The following MTUS2 variants were observed in gnomAD, a reference collection of about 807,000 sequenced individuals.
MTUS2 encodes the protein microtubule-associated tumor suppressor candidate 2.
A neutral mutation model predicts 114.1 loss-of-function variants in MTUS2; 40 were observed. The ratio of observed to expected loss-of-function variants is 0.35; its 90% confidence interval spans 0.27 to 0.46. The LOEUF (loss-of-function observed/expected upper bound fraction) is 0.46. Among genes scored for constraint, MTUS2 ranks in the 20% least tolerant of loss-of-function variants. The probability of loss-of-function intolerance (pLI) is 1.00; values close to 1 mark genes in which losing one functional copy is unlikely to be tolerated. For synonymous variants in MTUS2, 688 were observed against 672.0 expected (o/e 1.02, Z -0.37); for missense variants, 1,679 against 1,705.4 (o/e 0.98, Z 0.27).
chr13:28,987,071 A>C (rs1262441149), intron 2 of MTUS2, among the ~76,000 whole-genome samples: 1 of 152,216 alleles, frequency 6.6e-6, no homozygotes, highest in African/African-American at 2.4e-5. Flanking sequence ...CTTAGGCTGA[A>C]TAATTGACCC....
chr13:29,088,578 C>T (rs976384340), intron 4 of MTUS2, among the ~76,000 whole-genome samples: 3 of 152,138 alleles, frequency 2.0e-5, no homozygotes, highest in Admixed American at 6.5e-5. Context: ...GTTGAAGTCT[C>T]CCACTATTAT....
At chr13:29,135,911 A>G (rs1338288544) in intron 5 of MTUS2, among the ~76,000 whole-genome samples, 1 of 152,228 alleles carries the variant, frequency 6.6e-6, no homozygotes, top group East Asian at 1.9e-4. Context: ...TTTGTAATGT[A>G]TTAGTCTCTT....
At chr13:28,964,425 A>C (rs2138225904) in intron 2 of MTUS2, among the ~76,000 whole-genome samples, 1 of 152,274 alleles carries the variant, frequency 6.6e-6, no homozygotes, top group Non-Finnish European at 1.5e-5. Context: ...CATTCCTTGC[A>C]CAGCTTAGAA....
Position 29,503,072 on chromosome 13 carries a change from A to C in MTUS2, c.3976A>C (p.Asn1326His), listed in dbSNP as rs750254544. The C allele has an allele frequency of 9.9e-6, 16 of 1,614,122 alleles. No homozygotes were observed. In the East Asian group the frequency reaches 1.3e-4, roughly 13 times the overall value. ...TQEKKRLSRT[N>H]EELLWKLQTG... is the part of the protein sequence containing the mutation. ...GGAGAAGAAGAGATTGAGCCGAACC[A>C]ATGAAGAGCTGCTTTGGAAGCTCCA... The change falls in exon 16 of 16, where the codon AAT becomes CAT. Residue 1326 changes from asparagine (N) to histidine (H), a missense_variant. By Grantham distance (68) the Asn-to-His change is moderately conservative. Transcript: ENST00000612955.
intron 2 of MTUS2, among the ~76,000 whole-genome samples, chr13:28,888,368 A>G (rs1878712917): frequency 6.6e-6 from 1 of 151,928 alleles, no homozygotes; most frequent in Non-Finnish European, 1.5e-5. Context: ...ATACAGAATG[A>G]GAATATATCA....
intron 4 of MTUS2, among the ~76,000 whole-genome samples, chr13:29,095,107 A>G (rs142572905): frequency 4.6e-5 from 7 of 152,196 alleles, no homozygotes; most frequent in South Asian, 2.1e-4. Flanking sequence ...AGAATATTCT[A>G]TGTGCACTTG....
chr13:29,392,204 A>G (rs1220874920), intron 8 of MTUS2, among the ~76,000 whole-genome samples: 1 of 150,646 alleles, frequency 6.6e-6, no homozygotes, highest in Non-Finnish European at 1.5e-5. Context: ...CTTTGTACCT[A>G]TTGAATAATA....
rs2139107021 is a variant in MTUS2, at chr13:29,168,308, A to C, written c.2644+67338A>C. Among the ~76,000 whole-genome samples, 3 of 152,298 alleles carry C rather than the reference A, an allele frequency of 2.0e-5. No homozygotes were observed. The South Asian group carries it at 6.2e-4, about 32-fold the overall frequency. ...TTCCGCTGAGCTCCACCTGCTTAGA[A>C]AAGCACCTTGTTCCATAGCCCCTAA... On this transcript the variant is annotated intron_variant, in intron 5 of 15. Coordinates refer to ENST00000612955, the MANE Select transcript of MTUS2 (RefSeq NM_001033602.4).
chr13:29,164,637 A>G (rs1893238874), intron 5 of MTUS2, among the ~76,000 whole-genome samples: 1 of 152,244 alleles, frequency 6.6e-6, no homozygotes, highest in South Asian at 2.1e-4. Context: ...CTTTTGCACT[A>G]GAGTGGGAGC....
At chr13:29,158,358 C>CCCCCCCCTT in intron 5 of MTUS2, among the ~76,000 whole-genome samples, 27 of 32,052 alleles carry the variant, frequency 8.4e-4, no homozygotes, top group Non-Finnish European at 9.6e-4. Context: ...GTCCACCCCG[C>CCCCCCCCTT]TTTTTTTTTT....
intron 2 of MTUS2, among the ~76,000 whole-genome samples, chr13:29,017,263 T>G (rs1020028609): frequency 1.2e-4 from 19 of 152,220 alleles, no homozygotes; most frequent in Non-Finnish European, 2.6e-4. Flanking sequence ...CATATTCTGT[T>G]CATTTTTCTG....
rs1888128090 is a variant in MTUS2 at position 29,056,221 on chromosome 13, C to T, written c.2446+22096C>T. Reference sequence around the variant, plus strand: ...AGGGTTTTTATGGTTTTAAGTATTACATTTAAGTCTTTAATACATCTTGAG... The same window carrying T: ...AGGGTTTTTATGGTTTTAAGTATTATATTTAAGTCTTTAATACATCTTGAG... On this transcript the variant is annotated intron_variant, in intron 4 of 15. Transcript: ENST00000612955. Among the ~76,000 whole-genome samples, 3 of 152,132 alleles carry T rather than the reference C, an allele frequency of 2.0e-5. No individual in the cohort carries two copies. The South Asian group carries it at 6.2e-4, about 31-fold the overall frequency.
At chr13:29,163,980 T>A (rs1409720776) in intron 5 of MTUS2, among the ~76,000 whole-genome samples, 1 of 152,152 alleles carries the variant, frequency 6.6e-6, no homozygotes, top group Non-Finnish European at 1.5e-5. Flanking sequence ...TAAACGTCGC[T>A]GAAAACTCTG....
At chr13:28,901,821 A>G (rs1879663555) in intron 2 of MTUS2, among the ~76,000 whole-genome samples, 1 of 152,174 alleles carries the variant, frequency 6.6e-6, no homozygotes, top group South Asian at 2.1e-4. Context: ...TCCCAAGATT[A>G]TTATGGTAGG....
At chr13:29,157,158 A>G (rs7993175) in intron 5 of MTUS2, among the ~76,000 whole-genome samples, 23,949 of 152,090 alleles carry the variant, frequency 0.16, 3,680 homozygotes, top group African/African-American at 0.41. Context: ...ATGTGGAACT[A>G]TTGCAAACTA....
At chr13:29,442,181 G>A (rs1409857857) in intron 9 of MTUS2, among the ~76,000 whole-genome samples, 1 of 152,200 alleles carries the variant, frequency 6.6e-6, no homozygotes, top group Non-Finnish European at 1.5e-5. Flanking sequence ...TGTGGGGGCA[G>A]CTCAGAGGCC....
In MTUS2 at chr13:29,026,528, C is replaced by T; in HGVS notation, c.1830C>T (p.Ser610=). The T allele has an allele frequency of 6.2e-7, 1 of 1,613,944 alleles. No homozygotes were observed. Among genetic ancestry groups the T allele is most frequent in the Non-Finnish European group, 8.5e-7 (1 of 1,179,876 alleles). ...PVFTHSKDTP[S]SQEGMENYQV... ...TCACACATTCCAAGGACACACCTTC[C>T]TCGCAGGAGGGAATGGAGAACTATC... The change falls in exon 3 of 16, where the codon TCC becomes TCT. Residue 610 remains serine (S), a synonymous_variant. Transcript: ENST00000612955.
chr13:29,390,664 AAGAAAG>A (rs1873369405), intron 8 of MTUS2, among the ~76,000 whole-genome samples: 1 of 148,328 alleles, frequency 6.7e-6, no homozygotes, highest in African/African-American at 2.6e-5. Flanking sequence ...AAAAAAAAAA[AAGAAAG>A]AAAGAAAATA....
intron 6 of MTUS2, among the ~76,000 whole-genome samples, chr13:29,293,091 A>C (rs1403240641): frequency 6.6e-6 from 1 of 152,204 alleles, no homozygotes; most frequent in Non-Finnish European, 1.5e-5. Flanking sequence ...TAAAACCTAG[A>C]AACATTTTTA....
Sources: gnomAD v4.1 joint callset for allele counts (sites outside exome capture counted in the v4.1 genomes callset) on GRCh38, gnomAD v4.1.1 for gene constraint, MANE v1.5 for transcripts, NCBI Gene and HGNC (gene_info 2026-07-23, HGNC 2026-07-21) for gene names.